The following KLHL3 variants were observed in gnomAD, a reference collection of about 807,000 sequenced individuals.
KLHL3 encodes the protein kelch like family member 3.
Under a neutral mutation model 70.5 loss-of-function variants are expected in KLHL3, and 19 were observed. The ratio of observed to expected loss-of-function variants is 0.27; its 90% CI spans 0.19 to 0.40. The LOEUF is 0.40. KLHL3 is among the 10% of genes least tolerant of loss of function. The probability of loss-of-function intolerance (pLI) is 1.00; values close to 1 mark genes in which losing one functional copy is unlikely to be tolerated. For synonymous variants in KLHL3, 258 were observed against 290.3 expected (o/e 0.89, Z 1.13); for missense variants, 512 against 771.1 (o/e 0.66, Z 3.98).
At chr5:137,695,500 A>G (rs1752425729) in intron 4 of KLHL3, among the ~76,000 whole-genome samples, 1 of 152,180 alleles carries the variant, frequency 6.6e-6, no homozygotes, top group Non-Finnish European at 1.5e-5. Context: ...AGGAAATCAG[A>G]ATGCTGAAGG....
intron 5 of KLHL3, among the ~76,000 whole-genome samples, chr5:137,688,747 T>C (rs1002120888): frequency 1.3e-4 from 20 of 152,254 alleles, no homozygotes; most frequent in Non-Finnish European, 7.3e-5. Flanking sequence ...TTCACCTCTC[T>C]GTGCCCTGGT....
chr5:137,735,574 C>A, intron 1 of KLHL3, 59 bp downstream of exon 1: 1 of 1,366,786 alleles, frequency 7.3e-7, no homozygotes, highest in Non-Finnish European at 1.0e-6. Flanking sequence ...GTGGCTGCAC[C>A]GCAAGCACAC....
intron 8 of KLHL3, among the ~76,000 whole-genome samples, chr5:137,641,261 A>C (rs936528063): frequency 2.0e-5 from 3 of 152,310 alleles, no homozygotes; most frequent in Admixed American, 1.3e-4. Flanking sequence ...CATTACCTGT[A>C]GCTTGTCTTA....
intron 6 of KLHL3, among the ~76,000 whole-genome samples, chr5:137,674,473 C>T (rs953642372): frequency 2.0e-5 from 3 of 152,222 alleles, no homozygotes; most frequent in Non-Finnish European, 2.9e-5. Flanking sequence ...CTGTTACTTA[C>T]ACTCATCATT....
chr5:137,628,200 C>G, intron 13 of KLHL3, 97 bp downstream of exon 13: 1 of 1,471,994 alleles, frequency 6.8e-7, no homozygotes, highest in African/African-American at 1.4e-5. Context: ...ACGCTCAGCT[C>G]CAGACCCTGG....
chr5:137,649,271 G>A (rs1445970477), intron 8 of KLHL3, among the ~76,000 whole-genome samples: 1 of 152,248 alleles, frequency 6.6e-6, no homozygotes, highest in Non-Finnish European at 1.5e-5. Flanking sequence ...ATAAAAGACA[G>A]AAGTGATGGG....
chr5:137,705,951 T>G, intron 3 of KLHL3: 2 of 926,632 alleles, frequency 2.2e-6, no homozygotes, highest in Non-Finnish European at 1.3e-6. Context: ...CCACTCAAGT[T>G]ATGCTGAAAG....
At chr5:137,664,696 T>C (rs1490388793) in intron 6 of KLHL3, among the ~76,000 whole-genome samples, 1 of 151,402 alleles carries the variant, frequency 6.6e-6, no homozygotes, top group Non-Finnish European at 1.5e-5. Context: ...CACGTGTCTG[T>C]AGTCCCAGCT....
At chr5:137,679,933 A>G (rs1388172557) in intron 5 of KLHL3, among the ~76,000 whole-genome samples, 1 of 152,248 alleles carries the variant, frequency 6.6e-6, no homozygotes, top group Non-Finnish European at 1.5e-5. Flanking sequence ...AAAGAAAGCA[A>G]TCAAAGAGGA....
chr5:137,643,357 A>C (rs1190796911), intron 8 of KLHL3, among the ~76,000 whole-genome samples: 12 of 91,990 alleles, frequency 1.3e-4, no homozygotes, highest in African/African-American at 2.7e-4. Context: ...CCTGTCTCAA[A>C]AAAAAAAAAA....
At chr5:137,681,602 G>A (rs532196842) in intron 5 of KLHL3, among the ~76,000 whole-genome samples, 10 of 152,262 alleles carry the variant, frequency 6.6e-5, no homozygotes, top group Admixed American at 5.2e-4. Context: ...GGCAGACAAG[G>A]CTAGATCCTG....
chr5:137,711,086 T>C (rs944449180), intron 2 of KLHL3, among the ~76,000 whole-genome samples: 2 of 152,318 alleles, frequency 1.3e-5, no homozygotes, highest in African/African-American at 4.8e-5. Context: ...CACACTACCC[T>C]GGTTTGAGAA....
intron 2 of KLHL3, among the ~76,000 whole-genome samples, chr5:137,717,499 CG>C (rs1345800915): frequency 6.6e-6 from 1 of 152,172 alleles, no homozygotes; most frequent in Non-Finnish European, 1.5e-5. Flanking sequence ...CACTGCATTC[CG>C]GCCTGGGCCA....
intron 5 of KLHL3, among the ~76,000 whole-genome samples, chr5:137,682,459 A>G (rs918223211): frequency 1.5e-5 from 2 of 133,456 alleles, no homozygotes; most frequent in African/African-American, 5.3e-5. Flanking sequence ...ATATGCATCT[A>G]AAAACCTTTC....
intron 12 of KLHL3, among the ~76,000 whole-genome samples, chr5:137,631,762 TAGTA>T (rs956708697): frequency 2.6e-5 from 4 of 152,196 alleles, no homozygotes; most frequent in Admixed American, 2.6e-4. Context: ...GCCTGGCACA[TAGTA>T]AGCCTTAACT....
intron 1 of KLHL3, among the ~76,000 whole-genome samples, chr5:137,725,740 TTTAA>T (rs1452675140): frequency 6.6e-6 from 1 of 152,236 alleles, no homozygotes; most frequent in African/African-American, 2.4e-5. Context: ...GGCTCAATAC[TTTAA>T]TTAATTTCCA....
chr5:137,703,389 T>C (rs1156741600), intron 3 of KLHL3, among the ~76,000 whole-genome samples: 2 of 152,198 alleles, frequency 1.3e-5, no homozygotes, highest in Admixed American at 6.5e-5. Context: ...GCCAACTCAT[T>C]TGGCTAGAGC....
At chr5:137,672,535 T>C (rs1403915661) in intron 6 of KLHL3, 1 of 152,244 alleles carries the variant, frequency 6.6e-6, no homozygotes, top group African/African-American at 2.4e-5. Flanking sequence ...AAAGACTTAA[T>C]AAATTTCTTC....
intron 8 of KLHL3, 114 bp from the exon 9 acceptor site, chr5:137,640,091 G>GT (rs1199455368): frequency 1.2e-6 from 1 of 842,950 alleles, no homozygotes; most frequent in East Asian, 2.4e-5. Context: ...TGAGATGCCA[G>GT]TTTACAGAGC....
Sources: gnomAD v4.1 joint callset for allele counts (sites outside exome capture counted in the v4.1 genomes callset) on GRCh38, gnomAD v4.1.1 for gene constraint, MANE v1.5 for transcripts, NCBI Gene and HGNC (gene_info 2026-07-23, HGNC 2026-07-21) for gene names.